GRID2: variants seen among roughly 807,000 people sequenced by gnomAD.
GRID2 encodes glutamate receptor ionotropic, delta-2.
GRID2 carries 33 observed loss-of-function variants against 114.8 expected under a neutral mutation model. That is an observed-to-expected ratio of 0.29 (90% confidence interval 0.22 to 0.38). The LOEUF (loss-of-function observed/expected upper bound fraction) is 0.38, where lower values mean the gene tolerates loss of function less well. GRID2 is among the 10% of genes least tolerant of loss of function. The pLI is 1.00. For synonymous variants in GRID2, 505 were observed against 449.9 expected (o/e 1.12, Z -1.55); for missense variants, 1,184 against 1,257.7 (o/e 0.94, Z 0.89).
chr4:92,994,292 C>T (rs1350785369), intron 2 of GRID2, among the ~76,000 whole-genome samples: 2 of 152,142 alleles, frequency 1.3e-5, no homozygotes, highest in African/African-American at 4.8e-5. Context: ...TAATATTAGA[C>T]AACAAATCCT....
At chr4:93,441,141 A>C (rs1410389303) in intron 10 of GRID2, among the ~76,000 whole-genome samples, 1 of 152,074 alleles carries the variant, frequency 6.6e-6, no homozygotes, top group Non-Finnish European at 1.5e-5. Flanking sequence ...TGGCTATTGA[A>C]ATTCCATTTG....
chr4:93,115,677 G>A (rs1166500499), intron 4 of GRID2, among the ~76,000 whole-genome samples: 1 of 152,082 alleles, frequency 6.6e-6, no homozygotes, highest in East Asian at 1.9e-4. Flanking sequence ...GGACTGGGGA[G>A]GCCTCAGAAT....
chr4:92,886,755 A>G (rs567031182), intron 2 of GRID2, among the ~76,000 whole-genome samples: 105 of 152,150 alleles, frequency 6.9e-4, no homozygotes, highest in Non-Finnish European at 1.4e-3. Flanking sequence ...CCTCCCGAGT[A>G]GCTGGGACTA....
chr4:93,753,825 C>G (rs909912982), intron 14 of GRID2, among the ~76,000 whole-genome samples: 1 of 152,134 alleles, frequency 6.6e-6, no homozygotes, highest in Non-Finnish European at 1.5e-5. Context: ...TCTTGAGAGC[C>G]CTTTGGGCCA....
chr4:92,618,117 T>C (rs1033153469), intron 2 of GRID2, among the ~76,000 whole-genome samples: 1 of 151,758 alleles, frequency 6.6e-6, no homozygotes, highest in Non-Finnish European at 1.5e-5. Flanking sequence ...ATTTTTCTTA[T>C]GTTTTCTTCT....
At chr4:92,672,497 C>T (rs1733122285) in intron 2 of GRID2, among the ~76,000 whole-genome samples, 1 of 152,060 alleles carries the variant, frequency 6.6e-6, no homozygotes, top group Non-Finnish European at 1.5e-5. Flanking sequence ...TGTACTTCTA[C>T]ATTTAAAGTG....
At chr4:93,576,156 G>A (rs1736399177) in intron 13 of GRID2, among the ~76,000 whole-genome samples, 1 of 152,190 alleles carries the variant, frequency 6.6e-6, no homozygotes, top group African/African-American at 2.4e-5. Flanking sequence ...GTGGATATAG[G>A]CACTCAATGA....
At chr4:93,654,249 A>G (rs1299955728) in intron 14 of GRID2, among the ~76,000 whole-genome samples, 1 of 152,292 alleles carries the variant, frequency 6.6e-6, no homozygotes, top group Admixed American at 6.5e-5. Context: ...TTTGCTTCCA[A>G]TAGAAGCCCA....
intron 2 of GRID2, among the ~76,000 whole-genome samples, chr4:92,854,843 G>A (rs1466601912): frequency 1.3e-5 from 2 of 151,794 alleles, no homozygotes; most frequent in Admixed American, 1.3e-4. Context: ...ATAGTTTATA[G>A]AACAATGTCT....
chr4:92,857,177 A>C (rs916100272), intron 2 of GRID2, among the ~76,000 whole-genome samples: 1 of 152,172 alleles, frequency 6.6e-6, no homozygotes, highest in African/African-American at 2.4e-5. Context: ...AGACAAAACA[A>C]GGTTGAAATT....
intron 14 of GRID2, among the ~76,000 whole-genome samples, chr4:93,650,898 T>C (rs1347071277): frequency 1.6e-5 from 2 of 124,254 alleles, no homozygotes; most frequent in Non-Finnish European, 3.3e-5. Context: ...AAATATTTTA[T>C]ATACATACTG....
At chr4:92,962,225 G>A (rs1200978817) in intron 2 of GRID2, among the ~76,000 whole-genome samples, 1 of 151,702 alleles carries the variant, frequency 6.6e-6, no homozygotes, top group African/African-American at 2.4e-5. Context: ...TTTTTAGTAT[G>A]CCTTGTTTTT....
intron 8 of GRID2, among the ~76,000 whole-genome samples, chr4:93,245,871 A>G (rs993772422): frequency 1.3e-5 from 2 of 152,214 alleles, no homozygotes; most frequent in African/African-American, 4.8e-5. Context: ...ACCTGTTCAG[A>G]AATATACAGG....
At chr4:92,597,157 C>G in intron 2 of GRID2, among the ~76,000 whole-genome samples, 1 of 151,712 alleles carries the variant, frequency 6.6e-6, no homozygotes, top group East Asian at 1.9e-4. Context: ...ACTCACAGTT[C>G]CACATGGCTG....
At chr4:92,808,456 TCA>T (rs934701466) in intron 2 of GRID2, among the ~76,000 whole-genome samples, 97 of 152,198 alleles carry the variant, frequency 6.4e-4, no homozygotes, top group African/African-American at 2.2e-3. Context: ...TACAAATATT[TCA>T]CCAGAATTAT....
At chr4:92,364,800 A>G (rs960904609) in intron 1 of GRID2, among the ~76,000 whole-genome samples, 1 of 152,040 alleles carries the variant, frequency 6.6e-6, no homozygotes, top group Non-Finnish European at 1.5e-5. Context: ...AAGATTTTCT[A>G]TCCTGTCCTA....
At chr4:92,429,819 A>G (rs2110338788) in intron 1 of GRID2, among the ~76,000 whole-genome samples, 1 of 152,276 alleles carries the variant, frequency 6.6e-6, no homozygotes, top group African/African-American at 2.4e-5. Flanking sequence ...ATGATAGATC[A>G]TTGTAGTGTT....
chr4:93,210,611 C>G (rs1743350413), intron 5 of GRID2, among the ~76,000 whole-genome samples: 1 of 151,926 alleles, frequency 6.6e-6, no homozygotes, highest in Non-Finnish European at 1.5e-5. Flanking sequence ...TTGTTTTTGA[C>G]CATGAGAACA....
chr4:92,520,737 C>A (rs1410257136), intron 1 of GRID2, among the ~76,000 whole-genome samples: 1 of 151,940 alleles, frequency 6.6e-6, no homozygotes, highest in Non-Finnish European at 1.5e-5. Context: ...TCCCTGATGG[C>A]TAATTCAGAT....
Sources: gnomAD v4.1 joint callset for allele counts (sites outside exome capture counted in the v4.1 genomes callset) on GRCh38, gnomAD v4.1.1 for gene constraint, MANE v1.5 for transcripts, NCBI Gene and HGNC (gene_info 2026-07-23, HGNC 2026-07-21) for gene names.